PTCD3: variants seen among roughly 807,000 people sequenced by gnomAD.
PTCD3 encodes small ribosomal subunit protein mS39.
Under a neutral mutation model 101.9 loss-of-function variants are expected in PTCD3, and 89 were observed. The ratio of observed to expected loss-of-function variants is 0.87; its 90% CI spans 0.74 to 1.04. The LOEUF (loss-of-function observed/expected upper bound fraction) is 1.04, where lower values mean the gene tolerates loss of function less well. PTCD3 is among the 50% of genes least tolerant of loss of function. The pLI is 0.00. For synonymous variants in PTCD3, 296 were observed against 278.5 expected (o/e 1.06, Z -0.63); for missense variants, 870 against 828.2 (o/e 1.05, Z -0.62).
chr2:86,126,651 A>T (rs1307475834), intron 12 of PTCD3, among the ~76,000 whole-genome samples: 1 of 152,012 alleles, frequency 6.6e-6, no homozygotes, highest in East Asian at 1.9e-4. Context: ...CCTGACTAAC[A>T]TGGTGAAACC....
rs1674278090 is a variant in PTCD3 at position 86,121,407 on chromosome 2, A to G, written c.539-72A>G. The G allele has an allele frequency of 6.4e-6, 6 of 940,036 alleles. No homozygotes were observed. In the South Asian group the frequency reaches 9.5e-5, roughly 15 times the overall value. 58.2% of individuals were successfully genotyped at this position (940,036 alleles called of 1,614,324 possible). ...ACCACCGCTAATATAAAAAAATGAC[A>G]CATTTTAACCTAACAGGCTTTAGTT... On this transcript the variant is annotated intron_variant, in intron 7 of 23. Transcript: ENST00000254630.
At chr2:86,109,119 G>A (rs536136117) in intron 3 of PTCD3, among the ~76,000 whole-genome samples, 145 of 152,222 alleles carry the variant, frequency 9.5e-4, no homozygotes, top group Non-Finnish European at 1.8e-3. Flanking sequence ...CTAAAGACTC[G>A]GGTTCGCCAG....
At position 86,134,283 on chromosome 2, in the gene PTCD3, T is replaced by C; in HGVS notation, c.1544-9T>C. ...CAATGATCACTCCTTGTTCCTTTCT[T>C]GTTTCAAGATAGTAAAGAATATGGT... On this transcript the variant is annotated splice_polypyrimidine_tract_variant and intron_variant, in intron 19 of 23. Coordinates refer to ENST00000254630, the MANE Select transcript of PTCD3 (RefSeq NM_017952.6). 1 of 1,590,010 alleles carries C rather than the reference T, an allele frequency of 6.3e-7. No homozygotes were observed.
intron 21 of PTCD3, chr2:86,135,829 T>C (rs750702044): frequency 8.3e-6 from 4 of 483,934 alleles, no homozygotes; most frequent in Non-Finnish European, 1.6e-5. Context: ...CATTTGCATT[T>C]GGTTGTTAGC....
intron 19 of PTCD3, 85 bp from the exon 20 acceptor site, chr2:86,134,207 C>G: frequency 5.1e-6 from 5 of 983,372 alleles, no homozygotes; most frequent in Non-Finnish European, 7.7e-6. Context: ...CTTATTTTTA[C>G]CTACCAAAAA....
chr2:86,125,685 G>A lies in PTCD3; in HGVS notation c.866-110G>A. On this transcript the variant is annotated intron_variant, in intron 11 of 23. Transcript: ENST00000254630. ...GAGAGGAGAGTAGTTTTCCAGTTTT[G>A]TGGACATGTGATTAGTCAAGGGACA... is the stretch of plus-strand genomic sequence containing the variant. 4.8e-6 allele frequency: 5 copies of A among 1,049,640 alleles called. No individual in the cohort carries two copies. The South Asian group carries it at 6.1e-5, about 13-fold the overall frequency. The allele number at this position is 1,049,640 out of a possible 1,614,324, so 65.0% of individuals were successfully genotyped here.
At chr2:86,108,754 G>T in intron 3 of PTCD3, 2 of 447,404 alleles carry the variant, frequency 4.5e-6, no homozygotes, top group Non-Finnish European at 8.0e-6. Flanking sequence ...AAGAACAATT[G>T]AAAGAGATTT....
At chr2:86,134,210 A>C in intron 19 of PTCD3, 82 bp from the exon 20 acceptor site, 4 of 1,025,954 alleles carry the variant, frequency 3.9e-6, no homozygotes, top group Non-Finnish European at 5.8e-6. Context: ...ATTTTTACCT[A>C]CCAAAAAATA....
At chr2:86,128,805 C>G (rs1674443649) in intron 14 of PTCD3, among the ~76,000 whole-genome samples, 1 of 152,196 alleles carries the variant, frequency 6.6e-6, no homozygotes, top group South Asian at 2.1e-4. Context: ...GTCAAAGCGA[C>G]TAGATACCTA....
chr2:86,129,766 G>C (rs1674462826), intron 14 of PTCD3, among the ~76,000 whole-genome samples: 1 of 152,160 alleles, frequency 6.6e-6, no homozygotes, highest in South Asian at 2.1e-4. Flanking sequence ...AGGGAAGCAT[G>C]CTTGAGTAAA....
chr2:86,120,304 G>A (rs1036824031), intron 7 of PTCD3, among the ~76,000 whole-genome samples: 4 of 152,158 alleles, frequency 2.6e-5, no homozygotes, highest in African/African-American at 9.7e-5. Context: ...CAGTAACAAA[G>A]TGAGCTAACA....
At chr2:86,136,605 G>A (rs776717240) in intron 22 of PTCD3, 43 bp downstream of exon 22, 2 of 1,579,964 alleles carry the variant, frequency 1.3e-6, no homozygotes, top group Non-Finnish European at 1.7e-6. Context: ...CAGCCTGGAA[G>A]TAGCCACATT....
intron 9 of PTCD3, among the ~76,000 whole-genome samples, chr2:86,124,288 A>C (rs1674343230): frequency 6.6e-6 from 1 of 152,170 alleles, no homozygotes; most frequent in African/African-American, 2.4e-5. Flanking sequence ...GATTATCTAA[A>C]ATTGTTATTG....
At chr2:86,121,157 G>A (rs950847358) in intron 7 of PTCD3, among the ~76,000 whole-genome samples, 1 of 152,152 alleles carries the variant, frequency 6.6e-6, no homozygotes, top group African/African-American at 2.4e-5. Flanking sequence ...GGGATAGTTT[G>A]CAGTGTGTTC....
chr2:86,136,598 C>T (rs1315875453), intron 22 of PTCD3, 36 bp downstream of exon 22: 1 of 1,590,996 alleles, frequency 6.3e-7, no homozygotes, highest in Non-Finnish European at 8.6e-7. Context: ...TTGGGTACAG[C>T]CTGGAAGTAG....
intron 1 of PTCD3, chr2:86,107,266 C>T (rs1029627084): frequency 4.3e-6 from 2 of 469,862 alleles, no homozygotes; most frequent in Non-Finnish European, 4.4e-6. Flanking sequence ...CCTCAGCATC[C>T]GTTCTCAAAA....
chr2:86,138,064 G>A lies in PTCD3; in HGVS notation c.*505G>A, dbSNP rs1261402622. ...GTCAGAAATAACGCATCTTAGGAAT[G>A]ACTAAACAAGATAATGGCAGTTTAG... On this transcript the variant is annotated 3_prime_UTR_variant, in exon 24 of 24. Transcript: ENST00000254630. The A allele has an allele frequency of 6.4e-6, 1 of 157,450 alleles. No homozygotes were observed. The highest frequency in any genetic ancestry group is 2.4e-5 in the African/African-American group (1 of 41,556). The allele number at this position is 157,450 out of a possible 1,614,324, so 9.8% of individuals were successfully genotyped here. A position where few individuals can be genotyped will look rare whatever the true frequency, so the allele number is the denominator to read the frequency against.
At chr2:86,130,880 A>G (rs1573857442) in intron 15 of PTCD3, 143 bp downstream of exon 15, 2 of 1,454,618 alleles carry the variant, frequency 1.4e-6, no homozygotes, top group Non-Finnish European at 1.8e-6. Flanking sequence ...TAGTAGGTGT[A>G]TATAGCTTAG....
chr2:86,106,335 C>A lies in PTCD3; in HGVS notation c.88C>A (p.Gln30Lys). Residue 30 changes from glutamine (Q) to lysine (K), a missense_variant, in exon 1 of 24, where the codon CAG (glutamine) becomes AAG (lysine). Coordinates refer to ENST00000254630, the MANE Select transcript of PTCD3 (RefSeq NM_017952.6). ...GGGTCGGCGGGCGGGTTTGTGTGAA[C>A]AGGCACGCAGCTGCAGGTAAGAGAC... is the stretch of plus-strand genomic sequence containing the variant. ...LTGRRAGLCEQARSCRFYSGS... is the reference protein window; with the variant it reads ...LTGRRAGLCEKARSCRFYSGS... 1 of 1,614,008 alleles carries A rather than the reference C, an allele frequency of 6.2e-7. No homozygotes were observed. Among genetic ancestry groups the A allele is most frequent in the Non-Finnish European group, 8.5e-7 (1 of 1,179,966 alleles).
Sources: allele counts gnomAD v4.1 joint callset (sites outside exome capture counted in the v4.1 genomes callset), GRCh38; gene constraint gnomAD v4.1.1; transcripts MANE v1.5; gene names NCBI Gene and HGNC (gene_info 2026-07-23, HGNC 2026-07-21).